The following SMTNL2 variants were observed in gnomAD, a reference collection of about 807,000 sequenced individuals.
SMTNL2 encodes the protein smoothelin like 2, also known as smoothelin-like protein 2.
SMTNL2 carries 43 observed loss-of-function variants against 44.1 expected under a neutral mutation model. The observed-to-expected ratio is 0.98, with a 90% CI of 0.76 to 1.26. SMTNL2 has a LOEUF of 1.26. SMTNL2 is among the 50% of genes most tolerant of loss of function. The pLI, the probability that SMTNL2 is intolerant of heterozygous loss-of-function variation, is 0.00. For synonymous variants in SMTNL2, 317 were observed against 287.6 expected (o/e 1.10, Z -1.03); for missense variants, 646 against 670.2 (o/e 0.96, Z 0.40).
chr17:4,593,729 T>TA, intron 3 of SMTNL2, 93 bp from the exon 4 acceptor site: 1 of 1,289,216 alleles, frequency 7.8e-7, no homozygotes, highest in Non-Finnish European at 1.1e-6. Context: ...CGATGCCGGG[T>TA]AAATGAGGCA....
chr17:4,584,461 G>A, upstream of SMTNL2: 4 of 922,598 alleles, frequency 4.3e-6, no homozygotes, highest in Non-Finnish European at 4.2e-6. Context: ...CCCCGGCTCC[G>A]CCCCCGAGGC....
intron 1 of SMTNL2, among the ~76,000 whole-genome samples, chr17:4,589,669 T>A (rs1909483618): frequency 6.6e-6 from 1 of 152,080 alleles, no homozygotes; most frequent in Non-Finnish European, 1.5e-5. Context: ...CCCCTCACCT[T>A]TCTCACCCTA....
In SMTNL2 at chr17:4,608,175, CT is replaced by C. The variant is rs2150528242; in HGVS notation, c.*692del. 6.6e-6 allele frequency: 1 copy of C among 152,308 alleles called. No individual in the cohort carries two copies. Among genetic ancestry groups the C allele is most frequent in the South Asian group, 2.1e-4 (1 of 4,822 alleles). The allele number at this position is 152,308 out of a possible 1,614,324, so 9.4% of individuals were successfully genotyped here. ...AGCACAGGCTCTCGGGAATTTAACA[CT>C]TTTGGGGAAGGAATAGGCCCTTTGT... On this transcript the variant is annotated 3_prime_UTR_variant, in exon 8 of 8. Coordinates refer to ENST00000389313, the MANE Select transcript of SMTNL2 (RefSeq NM_001114974.2).
intron 7 of SMTNL2, among the ~76,000 whole-genome samples, chr17:4,606,806 A>G (rs1279255748): frequency 6.6e-6 from 1 of 152,136 alleles, no homozygotes. Context: ...GCTACTCGGG[A>G]GGCTGAGACA....
Position 4,595,741 on chromosome 17 carries a change from G to C in SMTNL2, c.989+414G>C, listed in dbSNP as rs552501738. ...GCCAGAGCTGGGAGCCCCAGCATGG[G>C]GTTGGTCTTGCCCAAGGACCGAAGG... On this transcript the variant is annotated intron_variant, in intron 5 of 7. Transcript: ENST00000389313. This position sits in a 1 kb window ranked among gnomAD's most constrained non-coding sequence, Gnocchi z 5.1. Among the ~76,000 whole-genome samples the C allele has an allele frequency of 6.6e-6, 1 of 152,362 alleles. No homozygotes were observed. The highest frequency in any genetic ancestry group is 2.1e-4 in the South Asian group (1 of 4,832).
At chr17:4,604,297 C>G (rs1375098949) in intron 7 of SMTNL2, among the ~76,000 whole-genome samples, 1 of 152,202 alleles carries the variant, frequency 6.6e-6, no homozygotes, top group East Asian at 1.9e-4. Flanking sequence ...CTCATCACCC[C>G]ACAAAGCCTG....
chr17:4,592,216 C>A lies in SMTNL2; in HGVS notation c.400-145C>A. The A allele has an allele frequency of 1.3e-6, 1 of 760,928 alleles. No homozygotes were observed. Among genetic ancestry groups the A allele is most frequent in the Non-Finnish European group, 2.2e-6 (1 of 456,086 alleles). 47.1% of individuals were successfully genotyped at this position (760,928 alleles called of 1,614,324 possible). On this transcript the variant is annotated intron_variant, in intron 1 of 7. Transcript: ENST00000389313. This position sits in a 1 kb window ranked among gnomAD's most constrained non-coding sequence, Gnocchi z 4.5. ...TCCCAGCTTTTGCTGTGTGACTTGG[C>A]CCGTCACTTTCTTCCTGGGGGCTGT...
chr17:4,594,761 C>T (rs1410478657), intron 4 of SMTNL2, among the ~76,000 whole-genome samples: 2 of 151,728 alleles, frequency 1.3e-5, no homozygotes, highest in Admixed American at 6.6e-5. Flanking sequence ...TTCTGGCAAA[C>T]CGTTCTGGGG....
intron 3 of SMTNL2, among the ~76,000 whole-genome samples, chr17:4,593,417 C>T (rs900924219): frequency 1.3e-5 from 2 of 152,256 alleles, no homozygotes; most frequent in African/African-American, 2.4e-5. Flanking sequence ...TGGAAGGTGG[C>T]CTCTTGCCCT....
intron 7 of SMTNL2, among the ~76,000 whole-genome samples, chr17:4,606,269 A>G (rs1397502110): frequency 6.6e-6 from 1 of 151,702 alleles, no homozygotes; most frequent in Non-Finnish European, 1.5e-5. Flanking sequence ...CTACAGGCAC[A>G]CGCCACCACG....
At chr17:4,606,637 T>G (rs1910289774) in intron 7 of SMTNL2, among the ~76,000 whole-genome samples, 1 of 151,066 alleles carries the variant, frequency 6.6e-6, no homozygotes, top group South Asian at 2.1e-4. Context: ...GGGCGTGGTG[T>G]CTCACGCCTG....
intron 7 of SMTNL2, among the ~76,000 whole-genome samples, chr17:4,601,250 C>T (rs1195054968): frequency 6.6e-6 from 1 of 152,142 alleles, no homozygotes; most frequent in Non-Finnish European, 1.5e-5. Flanking sequence ...CTCACCTTTA[C>T]AGAAAATACA....
At position 4,607,243 on chromosome 17, in the gene SMTNL2, T is replaced by C. The variant is rs1910313775; in HGVS notation, c.1260-118T>C. Reference sequence around the variant, plus strand: ...TCTGAATTCCCCGCTGGTGGGTCCTTGGGAACCTCTGGCTGCCGGCTGAGC... The same window carrying C: ...TCTGAATTCCCCGCTGGTGGGTCCTCGGGAACCTCTGGCTGCCGGCTGAGC... On this transcript the variant is annotated intron_variant, in intron 7 of 7. Coordinates refer to ENST00000389313, the MANE Select transcript of SMTNL2 (RefSeq NM_001114974.2). The surrounding 1 kb of genome is among the most constrained non-coding windows in gnomAD (Gnocchi z 4.7). The C allele has an allele frequency of 2.6e-6, 4 of 1,522,328 alleles. No individual in the cohort carries two copies. In the South Asian group the frequency reaches 5.0e-5, roughly 19 times the overall value. The allele number at this position is 1,522,328 out of a possible 1,614,324, so 94.3% of individuals were successfully genotyped here.
Position 4,605,865 on chromosome 17 carries a change from G to A in SMTNL2, c.1260-1496G>A, listed in dbSNP as rs138749729. On this transcript the variant is annotated intron_variant, in intron 7 of 7. Coordinates refer to ENST00000389313, the MANE Select transcript of SMTNL2 (RefSeq NM_001114974.2). ...AGCAGAGTCAGAGGAGGCAGGGGGCGCAGGGCTGGGCATTCCAGAGGCTGT... is the reference window on the plus strand; with the variant it reads ...AGCAGAGTCAGAGGAGGCAGGGGGCACAGGGCTGGGCATTCCAGAGGCTGT... Among the ~76,000 whole-genome samples the A allele has an allele frequency of 4.6e-5, 7 of 152,252 alleles. No homozygotes were observed. The East Asian group carries it at 7.7e-4, about 17-fold the overall frequency.
At chr17:4,586,510 CAAAGAG>C (rs764870958) in intron 1 of SMTNL2, among the ~76,000 whole-genome samples, 7 of 34,232 alleles carry the variant, frequency 2.0e-4, no homozygotes, top group East Asian at 9.5e-4. Context: ...TGTGTACACA[CAAAGAG>C]AGAGAGAGAG....
At chr17:4,584,007 G>A (rs8068681), upstream of SMTNL2, 27,331 of 152,362 alleles carry the variant, frequency 0.18, 2,779 homozygotes, top group African/African-American at 0.27. Flanking sequence ...GGGACAGCGC[G>A]TAGTCGCAGA....
chr17:4,586,807 G>T (rs1052823136), intron 1 of SMTNL2, among the ~76,000 whole-genome samples: 24 of 152,164 alleles, frequency 1.6e-4, no homozygotes, highest in Non-Finnish European at 2.8e-4. Flanking sequence ...GGTTTCAGAG[G>T]GGGAATGAGC....
chr17:4,607,417 G>A lies in SMTNL2; in HGVS notation c.1316G>A (p.Arg439His), dbSNP rs763477108. Residue 439 changes from arginine (R) to histidine (H), a missense_variant, in exon 8 of 8, where the codon CGC (arginine) becomes CAC (histidine). Coordinates refer to ENST00000389313, the MANE Select transcript of SMTNL2 (RefSeq NM_001114974.2). The surrounding 1 kb of genome is among the most constrained non-coding windows in gnomAD (Gnocchi z 4.7). ...IEVEDMMVMG[R>H]KPDPMCVFTY... ...GTGGAGGACATGATGGTGATGGGCC[G>A]CAAGCCGGACCCCATGTGTGTCTTC... 28 of 1,614,090 alleles carry A rather than the reference G, an allele frequency of 1.7e-5. No homozygotes were observed. The highest frequency in any genetic ancestry group is 4.0e-5 in the African/African-American group (3 of 74,934).
intron 1 of SMTNL2, among the ~76,000 whole-genome samples, chr17:4,588,263 T>C (rs1198241354): frequency 6.6e-6 from 1 of 152,168 alleles, no homozygotes; most frequent in African/African-American, 2.4e-5. Context: ...GCCTGAAATA[T>C]TCTTCCTTCC....
Sources: gnomAD v4.1 joint callset for allele counts (sites outside exome capture counted in the v4.1 genomes callset) on GRCh38, gnomAD v4.1.1 for gene constraint, Gnocchi (gnomAD v3.1) non-coding constraint, MANE v1.5 for transcripts, NCBI Gene and HGNC (gene_info 2026-07-23, HGNC 2026-07-21) for gene names.